TRAPPC8: variants seen among roughly 807,000 people sequenced by gnomAD.
TRAPPC8 encodes the protein general sporulation gene 1 homolog.
Under a neutral mutation model 174.3 loss-of-function variants are expected in TRAPPC8, and 54 were observed. That is an observed-to-expected ratio of 0.31 (90% CI 0.25 to 0.39). TRAPPC8 has a LOEUF of 0.39. Ranked by LOEUF, TRAPPC8 falls within the 10% of genes least tolerant of loss-of-function variation. The pLI is 1.00. For missense variants in TRAPPC8, 1,531 were observed against 1,699.1 expected, an observed-to-expected ratio of 0.90 and a Z score of 1.74; for synonymous variants, 630 against 579.9, an observed-to-expected ratio of 1.09 and a Z score of -1.24.
At chr18:31,882,417 A>T (rs1266545059) in intron 12 of TRAPPC8, among the ~76,000 whole-genome samples, 2 of 152,098 alleles carry the variant, frequency 1.3e-5, no homozygotes, top group African/African-American at 4.8e-5. Flanking sequence ...ATGCACGGAC[A>T]TAAAGAGGAA....
chr18:31,937,301 C>A (rs759021000), intron 1 of TRAPPC8, among the ~76,000 whole-genome samples: 2 of 152,172 alleles, frequency 1.3e-5, no homozygotes, highest in Non-Finnish European at 2.9e-5. Flanking sequence ...GAATCCAAAG[C>A]GGGTAAATTG....
chr18:31,847,893 A>G (rs944604017), intron 25 of TRAPPC8, among the ~76,000 whole-genome samples: 1 of 152,088 alleles, frequency 6.6e-6, no homozygotes, highest in African/African-American at 2.4e-5. Context: ...ATTTTGGATT[A>G]AAGTTGTTTA....
At chr18:31,879,630 T>C (rs543746489) in intron 12 of TRAPPC8, among the ~76,000 whole-genome samples, 12 of 152,146 alleles carry the variant, frequency 7.9e-5, no homozygotes, top group African/African-American at 2.6e-4. Context: ...ATCTTTATTC[T>C]TTAAATGAAA....
At chr18:31,867,184 A>G (rs2034628364) in intron 17 of TRAPPC8, among the ~76,000 whole-genome samples, 1 of 152,230 alleles carries the variant, frequency 6.6e-6, no homozygotes, top group Non-Finnish European at 1.5e-5. Context: ...CATAAAAAGC[A>G]TATCAAGAAG....
rs201263314 is a variant in TRAPPC8, at chr18:31,855,669, A to G, written c.3327T>C (p.Asn1109=). ...GNMLVFVDVE[N]TNTSEAGVKE... is the part of the protein sequence containing the mutation. ...TTTTAAACCAACTTACAGTATTGGT[A>G]TTTTCCACATCCACAAAGACTAGCA... The change falls in exon 21 of 29, where the codon AAT becomes AAC. Residue 1109 remains asparagine (N), a synonymous_variant. Transcript: ENST00000283351. The G allele has an allele frequency of 3.8e-6, 6 of 1,592,054 alleles. No homozygotes were observed. The Admixed American group carries it at 5.8e-5, about 15-fold the overall frequency.
intron 1 of TRAPPC8, among the ~76,000 whole-genome samples, chr18:31,939,145 C>CG (rs1444935700): frequency 2.4e-5 from 2 of 82,704 alleles, no homozygotes; most frequent in East Asian, 1.5e-3. Flanking sequence ...CAAAAAGTAG[C>CG]TGTTCTAGGT....
rs760861167 is a variant in TRAPPC8, at chr18:31,852,567, G to A, written c.3502+28C>T. On this transcript the variant is annotated intron_variant, in intron 23 of 28. Coordinates refer to ENST00000283351, the MANE Select transcript of TRAPPC8 (RefSeq NM_014939.5). ...GCATAAAATATAAAATGACCATTTA[G>A]TAAAGTGTAAAAGTAAAGTGAATTT... 3.1e-6 allele frequency: 5 copies of A among 1,613,742 alleles called. No individual in the cohort carries two copies. The South Asian group carries it at 3.3e-5, about 11-fold the overall frequency.
At chr18:31,940,743 C>T (rs1444087378) in intron 1 of TRAPPC8, among the ~76,000 whole-genome samples, 1 of 152,004 alleles carries the variant, frequency 6.6e-6, no homozygotes, top group Non-Finnish European at 1.5e-5. Flanking sequence ...GTGATCCACC[C>T]GCCTCGGCCT....
At chr18:31,871,891 G>A (rs2034881581) in intron 14 of TRAPPC8, among the ~76,000 whole-genome samples, 1 of 151,912 alleles carries the variant, frequency 6.6e-6, no homozygotes, top group South Asian at 2.1e-4. Flanking sequence ...ATCTCAAGGA[G>A]AAACGTTGAT....
rs182901398 is a variant in TRAPPC8 at position 31,891,431 on chromosome 18, C to T, written c.1597-565G>A. On this transcript the variant is annotated intron_variant, in intron 11 of 28. Transcript: ENST00000283351. ...GCATTTCATTAAAAAGTTCACAATG[C>T]TTCTACTTCAAAGATTTTCTTTTCA... 9.9e-4 allele frequency among the ~76,000 whole-genome samples: 150 copies of T among 152,246 alleles called. 3 individuals carry two copies. In the South Asian group the frequency reaches 0.016, roughly 16 times the overall value.
At position 31,837,436 on chromosome 18, in the gene TRAPPC8, C is replaced by T. The variant is rs550215756; in HGVS notation, c.3983+1876G>A. ...CTATGGCTGAGCGTGGTGGCTCACG[C>T]CTGTGATCCCAGCACTTTGGGAGGC... On this transcript the variant is annotated intron_variant, in intron 27 of 28. Coordinates refer to ENST00000283351, the MANE Select transcript of TRAPPC8 (RefSeq NM_014939.5). Among the ~76,000 whole-genome samples, 205 of 152,300 alleles carry T rather than the reference C, an allele frequency of 1.3e-3. 1 individual carries two copies. The highest frequency in any genetic ancestry group is 4.8e-3 in the African/African-American group (199 of 41,578).
rs981948072 is a variant in TRAPPC8, at chr18:31,874,641, G to C, written c.1792C>G (p.Leu598Val). Reference protein sequence around the residue: ...MQVYKGKGWSLAEDHINFTIG... With the variant: ...MQVYKGKGWSVAEDHINFTIG... ...GTGAAATTAATGTGATCCTCTGCAA[G>C]AGACCAGCCTTTTCCTTTGTAAACT... is the stretch of plus-strand genomic sequence containing the variant. The change falls in exon 13 of 29, where the codon CTT becomes GTT. Residue 598 changes from leucine to valine, a missense_variant. Physicochemically the swap from Leu to Val is conservative, Grantham distance 32 (BLOSUM62 1). Transcript: ENST00000283351. 6.2e-7 allele frequency: 1 copy of C among 1,613,980 alleles called. No homozygotes were observed. Among genetic ancestry groups the C allele is most frequent in the African/African-American group, 1.3e-5 (1 of 74,908 alleles).
chr18:31,934,394 C>T (rs1325936397), intron 1 of TRAPPC8, among the ~76,000 whole-genome samples: 1 of 151,826 alleles, frequency 6.6e-6, no homozygotes, highest in Non-Finnish European at 1.5e-5. Context: ...GTGGATGTTT[C>T]TTGTATTATC....
intron 2 of TRAPPC8, among the ~76,000 whole-genome samples, chr18:31,919,456 C>G (rs1474437604): frequency 6.6e-6 from 1 of 151,196 alleles, no homozygotes; most frequent in Admixed American, 6.6e-5. Context: ...TCACTTGAAC[C>G]CAGGAGGTGG....
chr18:31,847,862 A>T (rs1254401925), intron 25 of TRAPPC8, among the ~76,000 whole-genome samples: 2 of 152,048 alleles, frequency 1.3e-5, no homozygotes, highest in Non-Finnish European at 2.9e-5. Flanking sequence ...GCAAAACCTT[A>T]GATTTTTAAA....
At position 31,852,721 on chromosome 18, in the gene TRAPPC8, C is replaced by G; in HGVS notation, c.3434-58G>C. ...TCTCAGTTCATCACATGATAAAAAC[C>G]AATTCATTATTTAGACTTCCTTGGT... On this transcript the variant is annotated intron_variant, in intron 22 of 28. Coordinates refer to ENST00000283351, the MANE Select transcript of TRAPPC8 (RefSeq NM_014939.5). 5 of 1,361,828 alleles carry G rather than the reference C, an allele frequency of 3.7e-6. 1 individual carries two copies. The highest frequency in any genetic ancestry group is 5.2e-6 in the Non-Finnish European group (5 of 966,820). 84.4% of individuals were successfully genotyped at this position (1,361,828 alleles called of 1,614,324 possible).
intron 27 of TRAPPC8, among the ~76,000 whole-genome samples, chr18:31,833,720 T>G (rs576533953): frequency 6.6e-6 from 1 of 152,264 alleles, no homozygotes; most frequent in African/African-American, 2.4e-5. Flanking sequence ...ATTGCATTCC[T>G]AGGCTGGGCA....
rs1598779620 is a variant in TRAPPC8 at position 31,943,040 on chromosome 18, C to T, written c.-276G>A. The T allele has an allele frequency of 3.6e-6, 2 of 552,494 alleles. No homozygotes were observed. The highest frequency in any genetic ancestry group is 8.2e-5 in the South Asian group (1 of 12,242). 34.2% of individuals were successfully genotyped at this position (552,494 alleles called of 1,614,324 possible). ...TAGGTGGAGACGCCGACAGTCACCA[C>T]TTAGTCCTTCGGACGGCAAAACCTT... On this transcript the variant is annotated 5_prime_UTR_variant, in exon 1 of 29. The change creates a new upstream start codon in the 5' untranslated region. Coordinates refer to ENST00000283351, the MANE Select transcript of TRAPPC8 (RefSeq NM_014939.5).
intron 27 of TRAPPC8, among the ~76,000 whole-genome samples, chr18:31,836,668 A>G (rs2032741072): frequency 6.6e-6 from 1 of 152,018 alleles, no homozygotes; most frequent in South Asian, 2.1e-4. Flanking sequence ...GATCACCTGG[A>G]GAACTTAAGA....
Sources: allele counts gnomAD v4.1 joint callset (sites outside exome capture counted in the v4.1 genomes callset), GRCh38; gene constraint gnomAD v4.1.1; transcripts MANE v1.5; gene names NCBI Gene and HGNC (gene_info 2026-07-23, HGNC 2026-07-21).